The following COL6A2 variants were observed in gnomAD, a reference collection of about 807,000 sequenced individuals.
The protein encoded by COL6A2 is collagen alpha-2(VI) chain.
A neutral mutation model predicts 124.9 loss-of-function variants in COL6A2; 90 were observed. That is an observed-to-expected ratio of 0.72 (90% CI 0.61 to 0.86). COL6A2 has a LOEUF of 0.86. COL6A2 is among the 40% of genes least tolerant of loss of function. COL6A2 has a pLI of 0.00. For missense variants in COL6A2, 1,607 were observed against 1,502.5 expected (o/e 1.07, Z -1.15); for synonymous variants, 793 against 618.2 (o/e 1.28, Z -4.19).
At chr21:46,124,182 GTGGA>G (rs1467891156) in intron 21 of COL6A2, among the ~76,000 whole-genome samples, 2 of 150,782 alleles carry the variant, frequency 1.3e-5, no homozygotes, top group Non-Finnish European at 3.0e-5. Flanking sequence ...CAGAGGATGG[GTGGA>G]TGAATGGATG....
At chr21:46,118,291 G>A (rs142244611) in intron 12 of COL6A2, among the ~76,000 whole-genome samples, 389 of 152,194 alleles carry the variant, frequency 2.6e-3, no homozygotes, top group East Asian at 0.013. Flanking sequence ...CGCCCCTGGC[G>A]GCCCCAGGAT....
chr21:46,128,770 C>G, intron 27 of COL6A2: 2 of 804,838 alleles, frequency 2.5e-6, no homozygotes, highest in Non-Finnish European at 4.4e-6. Flanking sequence ...GGACTCACAT[C>G]CCAGAGAGGC....
At chr21:46,112,697 C>A in intron 3 of COL6A2, 107 bp from the exon 4 acceptor site, 1 of 1,597,096 alleles carries the variant, frequency 6.3e-7, no homozygotes, top group Non-Finnish European at 8.6e-7. Context: ...AAGCTCCGGG[C>A]AGGGCCTGGG....
chr21:46,122,283 G>A (rs1246167464), intron 19 of COL6A2, 125 bp downstream of exon 19: 45 of 1,262,082 alleles, frequency 3.6e-5, no homozygotes, highest in African/African-American at 4.4e-5. Context: ...TCCCTCCTGC[G>A]GGACAGAGTG....
At chr21:46,117,733 G>C in intron 11 of COL6A2, 141 bp from the exon 12 acceptor site, 1 of 872,934 alleles carries the variant, frequency 1.1e-6, no homozygotes, top group Non-Finnish European at 1.8e-6. Flanking sequence ...TCCAGGCCTG[G>C]CCTCTTGGTC....
intron 11 of COL6A2, 76 bp downstream of exon 11, chr21:46,117,529 C>G: frequency 6.9e-7 from 1 of 1,438,952 alleles, no homozygotes; most frequent in Non-Finnish European, 9.7e-7. Flanking sequence ...AGGGTAGTTG[C>G]TGCTGCAGTG....
chr21:46,131,365 T>C (rs1189682804), intron 27 of COL6A2, among the ~76,000 whole-genome samples: 3 of 152,280 alleles, frequency 2.0e-5, no homozygotes, highest in East Asian at 1.9e-4. Flanking sequence ...AACAGAGTCA[T>C]AGGGCAGAAC....
chr21:46,103,053 GTTGT>G (rs2078303943), intron 1 of COL6A2, among the ~76,000 whole-genome samples: 2 of 152,076 alleles, frequency 1.3e-5, no homozygotes, highest in African/African-American at 4.8e-5. Context: ...AGGTCCAGAG[GTTGT>G]TTGTCAGGAG....
At chr21:46,123,085 G>A in intron 21 of COL6A2, 148 bp downstream of exon 21, 1 of 807,880 alleles carries the variant, frequency 1.2e-6, no homozygotes, top group South Asian at 1.4e-5. Context: ...AAAGGGAACG[G>A]CTGGCTCAGG....
chr21:46,128,979 C>G (rs1044222853), intron 27 of COL6A2: 27 of 1,608,236 alleles, frequency 1.7e-5, no homozygotes, highest in Middle Eastern at 1.6e-4. Context: ...CCGTGCGGGT[C>G]TCCTAGCTCC....
Position 46,132,081 on chromosome 21 carries a change from G to A in COL6A2, c.2589G>A (p.Leu863=). The A allele has an allele frequency of 6.2e-7, 1 of 1,602,182 alleles. No individual in the cohort carries two copies. Among genetic ancestry groups the A allele is most frequent in the Non-Finnish European group, 8.5e-7 (1 of 1,176,800 alleles). The change falls in exon 28 of 28, where the codon CTG becomes CTA. Residue 863 remains leucine, a synonymous_variant. Coordinates refer to ENST00000300527, the MANE Select transcript of COL6A2 (RefSeq NM_001849.4). ...RRFVEQVARR[L]TLARRDDDPL... ...TCGTGGAGCAGGTGGCGCGGCGGCTGACGCTGGCCCGGAGGGACGACGACC... is the reference window on the plus strand; with the variant it reads ...TCGTGGAGCAGGTGGCGCGGCGGCTAACGCTGGCCCGGAGGGACGACGACC...
At chr21:46,128,502 T>G (rs2123676985) in intron 27 of COL6A2, among the ~76,000 whole-genome samples, 1 of 100,444 alleles carries the variant, frequency 1.0e-5, no homozygotes, top group East Asian at 3.3e-4. Context: ...GCCCTGGCCT[T>G]CTCCAGACAG....
rs527373598 is a variant in COL6A2 at position 46,132,596 on chromosome 21, C to A, written c.*44C>A. ...GCAGTCGAGGGTCGTGAGCCCACCC[C>A]GTCCATGGTGCTAAGCGGGCCCGGG... On this transcript the variant is annotated 3_prime_UTR_variant, in exon 28 of 28. Transcript: ENST00000300527. The A allele has an allele frequency of 6.5e-7, 1 of 1,537,328 alleles. No homozygotes were observed. The highest frequency in any genetic ancestry group is 8.8e-7 in the Non-Finnish European group (1 of 1,140,318).
intron 20 of COL6A2, among the ~76,000 whole-genome samples, 156 bp downstream of exon 20, chr21:46,122,687 T>C (rs558057695): frequency 6.6e-6 from 1 of 152,170 alleles, no homozygotes; most frequent in East Asian, 1.9e-4. Context: ...TGCTGAGCTC[T>C]GGGGGAGCTG....
chr21:46,111,880 C>T, intron 2 of COL6A2, 99 bp from the exon 3 acceptor site: 2 of 1,281,926 alleles, frequency 1.6e-6, no homozygotes, highest in South Asian at 1.2e-5. Context: ...CATTCGGGGG[C>T]AGTGAGGTCA....
intron 21 of COL6A2, 149 bp from the exon 22 acceptor site, chr21:46,124,502 G>A (rs2078628175): frequency 4.4e-6 from 3 of 685,192 alleles, no homozygotes; most frequent in South Asian, 3.6e-5. Context: ...AGGGAAGGAG[G>A]AGGCACAGCC....
intron 21 of COL6A2, among the ~76,000 whole-genome samples, chr21:46,123,886 AGTCAGTG>A (rs879272431): frequency 0.57 from 73,679 of 128,732 alleles, 19,254 homozygotes; most frequent in Admixed American, 0.64. Context: ...TGGATGGGTG[AGTCAGTG>A]GATAGATGGA....
rs777696289 is a variant in COL6A2, at chr21:46,132,227, ACTC to A, written c.2738_2740del (p.Ser913del). 21 of 1,597,018 alleles carry A rather than the reference ACTC, an allele frequency of 1.3e-5. No homozygotes were observed. Among genetic ancestry groups the A allele is most frequent in the Non-Finnish European group, 1.6e-5 (19 of 1,173,446 alleles). Reference sequence around the variant, plus strand: ...GCGCTGGAGACCACACAATACCTGAACTCCTTCTCGCACGTGGGCGCAGGCGTG... The same window carrying A: ...GCGCTGGAGACCACACAATACCTGAACTTCTCGCACGTGGGCGCAGGCGTG... On this transcript the variant is annotated inframe_deletion, in exon 28 of 28. Coordinates refer to ENST00000300527, the MANE Select transcript of COL6A2 (RefSeq NM_001849.4).
intron 11 of COL6A2, 192 bp downstream of exon 11, chr21:46,117,645 C>A: frequency 1.3e-6 from 1 of 744,504 alleles, no homozygotes; most frequent in Non-Finnish European, 2.3e-6. Flanking sequence ...GAGCTCCTGG[C>A]GGATCCCCGT....
Sources: gnomAD v4.1 joint callset for allele counts (sites outside exome capture counted in the v4.1 genomes callset) on GRCh38, gnomAD v4.1.1 for gene constraint, MANE v1.5 for transcripts, NCBI Gene and HGNC (gene_info 2026-07-23, HGNC 2026-07-21) for gene names.